Variants in LRRTM4 observed in about 807,000 individuals in gnomAD.
The protein encoded by LRRTM4 is leucine rich repeat transmembrane neuronal 4, also known as leucine-rich repeat transmembrane neuronal protein 4.
A neutral mutation model predicts 47.6 loss-of-function variants in LRRTM4; 25 were observed. The observed-to-expected ratio is 0.53, with a 90% CI of 0.38 to 0.73. LRRTM4 has a LOEUF of 0.73. Among genes scored for constraint, LRRTM4 ranks in the 30% least tolerant of loss-of-function variants. The pLI, the probability that LRRTM4 is intolerant of heterozygous loss-of-function variation, is 0.00. For synonymous variants in LRRTM4, 311 were observed against 269.5 expected, an observed-to-expected ratio of 1.15 and a Z score of -1.51; for missense variants, 638 against 713.4, an observed-to-expected ratio of 0.89 and a Z score of 1.20.
At chr2:77,197,358 A>C (rs1673857799) in intron 3 of LRRTM4, among the ~76,000 whole-genome samples, 1 of 152,084 alleles carries the variant, frequency 6.6e-6, no homozygotes, top group African/African-American at 2.4e-5. Context: ...AATTAGCCTT[A>C]TAATCTACAC....
intron 3 of LRRTM4, among the ~76,000 whole-genome samples, chr2:76,913,591 G>A (rs938979120): frequency 7.4e-6 from 1 of 134,382 alleles, no homozygotes; most frequent in East Asian, 2.5e-4. Context: ...CCAGGCTGGA[G>A]TGCAATTGCG....
At chr2:76,916,554 T>C (rs560202682) in intron 3 of LRRTM4, among the ~76,000 whole-genome samples, 49 of 152,102 alleles carry the variant, frequency 3.2e-4, no homozygotes, top group African/African-American at 1.1e-3. Flanking sequence ...ATAAATCAAA[T>C]AGGCAATTTG....
intron 3 of LRRTM4, among the ~76,000 whole-genome samples, chr2:77,278,374 A>T (rs1676419180): frequency 6.6e-6 from 1 of 152,036 alleles, no homozygotes; most frequent in Admixed American, 6.6e-5. Context: ...TGCATGTAAC[A>T]TTGTCCTATA....
intron 3 of LRRTM4, among the ~76,000 whole-genome samples, chr2:76,811,178 G>A (rs1157858135): frequency 1.3e-5 from 2 of 152,120 alleles, no homozygotes; most frequent in Non-Finnish European, 2.9e-5. Flanking sequence ...TTAAGGCTTT[G>A]CTGCAAAAGG....
At chr2:77,010,895 T>C (rs994572630) in intron 3 of LRRTM4, among the ~76,000 whole-genome samples, 3 of 152,126 alleles carry the variant, frequency 2.0e-5, no homozygotes, top group East Asian at 1.9e-4. Context: ...GTGATTTTAC[T>C]TCACCATTCT....
At chr2:77,075,835 A>G (rs1313622012) in intron 3 of LRRTM4, among the ~76,000 whole-genome samples, 2 of 138,670 alleles carry the variant, frequency 1.4e-5, no homozygotes, top group African/African-American at 5.5e-5. Context: ...GAATGGCGTG[A>G]ACCCGGGAGG....
intron 3 of LRRTM4, among the ~76,000 whole-genome samples, chr2:76,960,055 C>A (rs1437344488): frequency 6.6e-6 from 1 of 151,332 alleles, no homozygotes; most frequent in Admixed American, 6.6e-5. Flanking sequence ...CTTTACCAAA[C>A]TTAGGGAAGA....
intron 3 of LRRTM4, among the ~76,000 whole-genome samples, chr2:77,463,025 C>T (rs1027066444): frequency 2.6e-5 from 4 of 151,838 alleles, no homozygotes; most frequent in Non-Finnish European, 4.4e-5. Flanking sequence ...ATATAGTATG[C>T]CTTGATTATC....
intron 3 of LRRTM4, among the ~76,000 whole-genome samples, chr2:77,151,952 A>G (rs1041451790): frequency 4.6e-5 from 7 of 152,242 alleles, no homozygotes; most frequent in Admixed American, 1.3e-4. Flanking sequence ...AAGGAATTTT[A>G]CCAAATTGAG....
At chr2:77,033,188 G>A (rs1283144425) in intron 3 of LRRTM4, among the ~76,000 whole-genome samples, 2 of 151,896 alleles carry the variant, frequency 1.3e-5, no homozygotes, top group Non-Finnish European at 2.9e-5. Context: ...AATATAGATT[G>A]TAATCTATTC....
chr2:76,807,407 CGT>C (rs201507719), intron 3 of LRRTM4, among the ~76,000 whole-genome samples: 28,403 of 85,204 alleles, frequency 0.33, 4,280 homozygotes, highest in East Asian at 0.62. Context: ...TATGTATATA[CGT>C]ATATATATAT....
At chr2:76,988,867 G>T (rs1007833488) in intron 3 of LRRTM4, among the ~76,000 whole-genome samples, 6 of 151,592 alleles carry the variant, frequency 4.0e-5, no homozygotes, top group Admixed American at 1.3e-4. Flanking sequence ...GGAGGCAGTG[G>T]TATGAGGGAA....
chr2:77,023,407 C>T (rs565165972), intron 3 of LRRTM4, among the ~76,000 whole-genome samples: 5 of 152,334 alleles, frequency 3.3e-5, no homozygotes, highest in Admixed American at 1.3e-4. Context: ...TATGTAAATA[C>T]CTGCAGCTGG....
intron 3 of LRRTM4, among the ~76,000 whole-genome samples, chr2:77,179,385 A>G (rs1269133202): frequency 6.6e-6 from 1 of 152,204 alleles, no homozygotes; most frequent in Non-Finnish European, 1.5e-5. Flanking sequence ...GTACTTACAG[A>G]TGTCCTGAGT....
chr2:77,446,098 T>C (rs542021468), intron 3 of LRRTM4, among the ~76,000 whole-genome samples: 18 of 152,186 alleles, frequency 1.2e-4, no homozygotes, highest in South Asian at 1.0e-3. Flanking sequence ...CATCATATAA[T>C]CTATATAGGT....
chr2:76,798,460 G>C (rs970175336), intron 3 of LRRTM4, among the ~76,000 whole-genome samples: 5 of 150,172 alleles, frequency 3.3e-5, no homozygotes, highest in African/African-American at 4.9e-5. Flanking sequence ...AGTGTGTAGA[G>C]GGAAATTTAT....
intron 3 of LRRTM4, among the ~76,000 whole-genome samples, chr2:77,114,906 G>A (rs1671346387): frequency 6.6e-6 from 1 of 152,126 alleles, no homozygotes; most frequent in African/African-American, 2.4e-5. Flanking sequence ...ATGTCCCGCT[G>A]TGCATGCATT....
intron 3 of LRRTM4, among the ~76,000 whole-genome samples, chr2:77,197,410 T>C (rs994839461): frequency 2.6e-5 from 4 of 152,138 alleles, no homozygotes; most frequent in Admixed American, 2.6e-4. Flanking sequence ...GCCATTATTT[T>C]CCCATATATC....
At chr2:77,133,377 A>C (rs557940227) in intron 3 of LRRTM4, among the ~76,000 whole-genome samples, 2 of 152,066 alleles carry the variant, frequency 1.3e-5, no homozygotes, top group African/African-American at 2.4e-5. Flanking sequence ...TTTGCTGTCT[A>C]TGCCTAAATC....
Sources: gnomAD v4.1 joint callset for allele counts (sites outside exome capture counted in the v4.1 genomes callset) on GRCh38, gnomAD v4.1.1 for gene constraint, MANE v1.5 for transcripts, NCBI Gene and HGNC (gene_info 2026-07-23, HGNC 2026-07-21) for gene names.